Variants in DNAH11 observed in about 807,000 individuals in gnomAD.
DNAH11 encodes the protein axonemal beta dynein heavy chain 11.
In DNAH11, 442 loss-of-function variants were observed where a neutral mutation model predicts 526.0. The observed-to-expected ratio is 0.84, with a 90% CI of 0.78 to 0.91. DNAH11 has a LOEUF of 0.91. DNAH11 is among the 40% of genes least tolerant of loss of function. The pLI, the probability that DNAH11 is intolerant of heterozygous loss-of-function variation, is 0.00. For missense variants in DNAH11, 6,989 were observed against 5,448.7 expected (o/e 1.28, Z -8.90); for synonymous variants, 2,461 against 1,935.9 (o/e 1.27, Z -7.12).
chr7:21,753,843 C>T (rs1406896002), intron 54 of DNAH11, among the ~76,000 whole-genome samples: 1 of 152,180 alleles, frequency 6.6e-6, no homozygotes, highest in Non-Finnish European at 1.5e-5. Context: ...TCTAAACACA[C>T]TCCATGTCAA....
At chr7:21,885,696 A>G (rs1009649436) in intron 76 of DNAH11, among the ~76,000 whole-genome samples, 3 of 152,178 alleles carry the variant, frequency 2.0e-5, no homozygotes, top group Non-Finnish European at 2.9e-5. Context: ...CAACATATAC[A>G]TGTATCAAAA....
Position 21,786,337 on chromosome 7 carries a change from C to T in DNAH11, c.9598-287C>T, listed in dbSNP as rs1037329045. 5.7e-5 allele frequency among the ~76,000 whole-genome samples: 8 copies of T among 140,976 alleles called. No individual in the cohort carries two copies. In the East Asian group the frequency reaches 6.1e-4, roughly 11 times the overall value. The allele number at this position is 140,976 out of a possible 152,430, so 92.5% of individuals were successfully genotyped here. On this transcript the variant is annotated intron_variant, in intron 58 of 81. Coordinates refer to ENST00000409508, the MANE Select transcript of DNAH11 (RefSeq NM_001277115.2). ...GTGTGTGTGTGTGTGTGTATCCTGG[C>T]CTCAGTGAGCAGGGCTCTGCAGGAC...
rs554631477 is a variant in DNAH11, at chr7:21,886,618, C to T, written c.12507+2208C>T. On this transcript the variant is annotated intron_variant, in intron 76 of 81. Coordinates refer to ENST00000409508, the MANE Select transcript of DNAH11 (RefSeq NM_001277115.2). ...GCCAGGCATGCGACCTTTACAGAGG[C>T]TGATTTCTCCGAATGATGGTGGAGG... 2.6e-5 allele frequency among the ~76,000 whole-genome samples: 4 copies of T among 152,060 alleles called. No individual in the cohort carries two copies. In the South Asian group the frequency reaches 8.3e-4, roughly 32 times the overall value.
chr7:21,698,294 C>T, intron 36 of DNAH11, 81 bp downstream of exon 36: 1 of 1,554,928 alleles, frequency 6.4e-7, no homozygotes, highest in Non-Finnish European at 8.7e-7. Context: ...GGTAATTTAT[C>T]ATTCAAATTA....
At chr7:21,819,312 GT>G in intron 65 of DNAH11, among the ~76,000 whole-genome samples, 1 of 152,202 alleles carries the variant, frequency 6.6e-6, no homozygotes, top group African/African-American at 2.4e-5. Flanking sequence ...CTACATCAGG[GT>G]GACTAACTTC....
rs199559539 is a variant in DNAH11 at position 21,635,946 on chromosome 7, T to C, written c.4576T>C (p.Leu1526=). 7.4e-5 allele frequency: 120 copies of C among 1,613,446 alleles called. No individual in the cohort carries two copies. In the African/African-American group the frequency reaches 1.3e-3, roughly 17 times the overall value. The change falls in exon 26 of 82, where the codon TTA becomes CTA. Residue 1526 remains leucine, a synonymous_variant. Transcript: ENST00000409508. ...GCAAGTGTTAAGCTGGCAAAATAAA[T>C]TAAACATAGCAGACTTGGTCATCTT... ...IEQVLSWQNK[L]NIADLVIFTW... is the part of the protein sequence containing the mutation.
At chr7:21,785,071 T>C (rs1430685772) in intron 58 of DNAH11, among the ~76,000 whole-genome samples, 1 of 152,210 alleles carries the variant, frequency 6.6e-6, no homozygotes, top group Non-Finnish European at 1.5e-5. Flanking sequence ...TGTTCATCAC[T>C]AGCATATTGT....
At chr7:21,622,296 A>G (rs2128455106) in intron 25 of DNAH11, among the ~76,000 whole-genome samples, 1 of 152,300 alleles carries the variant, frequency 6.6e-6, no homozygotes, top group South Asian at 2.1e-4. Flanking sequence ...AGAACTACAA[A>G]CCACTGCTCA....
chr7:21,774,568 G>T (rs952739772), intron 56 of DNAH11, among the ~76,000 whole-genome samples: 3 of 152,124 alleles, frequency 2.0e-5, no homozygotes, highest in African/African-American at 7.2e-5. Flanking sequence ...TCATGTGTGG[G>T]TCTGTACACA....
At chr7:21,710,867 A>G (rs1784440470) in intron 41 of DNAH11, among the ~76,000 whole-genome samples, 164 bp downstream of exon 41, 1 of 152,180 alleles carries the variant, frequency 6.6e-6, no homozygotes, top group African/African-American at 2.4e-5. Context: ...TCTTAATTTC[A>G]CCATTAAAGA....
rs1562720521 is a variant in DNAH11, at chr7:21,639,051, G to A, written c.4930G>A (p.Ala1644Thr). 6.2e-7 allele frequency: 1 copy of A among 1,612,842 alleles called. No individual in the cohort carries two copies. Among genetic ancestry groups the A allele is most frequent in the African/African-American group, 1.3e-5 (1 of 74,954 alleles). ...TTTACTTGACATTCTCTCAAAAGGA[G>A]CTCAGCCTAAACAGGTAATATTTTT... The part of the protein sequence containing the change: ...ADLLDILSKG[A>T]QPKQVTCHLA... The change falls in exon 28 of 82, where the codon GCT becomes ACT. Residue 1644 changes from alanine (A) to threonine (T), a missense_variant. By Grantham distance (58) the Ala-to-Thr change is moderately conservative. Coordinates refer to ENST00000409508, the MANE Select transcript of DNAH11 (RefSeq NM_001277115.2).
At chr7:21,803,647 T>C (rs1191126538) in intron 62 of DNAH11, among the ~76,000 whole-genome samples, 2 of 151,302 alleles carry the variant, frequency 1.3e-5, no homozygotes, top group East Asian at 1.9e-4. Flanking sequence ...GCTATCATCA[T>C]TGAAGTCTGG....
chr7:21,764,577 A>C (rs1211711567), intron 54 of DNAH11, among the ~76,000 whole-genome samples: 1 of 152,142 alleles, frequency 6.6e-6, no homozygotes, highest in Non-Finnish European at 1.5e-5. Flanking sequence ...AAGGATGCTC[A>C]CTGAACACCT....
chr7:21,553,642 G>T (rs563403609), intron 2 of DNAH11, among the ~76,000 whole-genome samples: 2 of 152,232 alleles, frequency 1.3e-5, no homozygotes, highest in South Asian at 2.1e-4. Context: ...TTTTTAAAAT[G>T]CCCTGGCTTT....
intron 8 of DNAH11, among the ~76,000 whole-genome samples, chr7:21,579,689 C>G (rs1285414892): frequency 6.6e-6 from 1 of 152,092 alleles, no homozygotes; most frequent in Admixed American, 6.6e-5. Flanking sequence ...TATGCTAAGA[C>G]CTTTGGACGT....
At chr7:21,825,151 A>G (rs1268962835) in intron 65 of DNAH11, among the ~76,000 whole-genome samples, 1 of 152,202 alleles carries the variant, frequency 6.6e-6, no homozygotes, top group Non-Finnish European at 1.5e-5. Flanking sequence ...GATTACAGGC[A>G]TGAGCCACCA....
intron 41 of DNAH11, among the ~76,000 whole-genome samples, chr7:21,711,369 G>A (rs1383847767): frequency 2.0e-5 from 3 of 152,158 alleles, no homozygotes; most frequent in Non-Finnish European, 4.4e-5. Flanking sequence ...AGTTTCTTTG[G>A]ACAATTGATA....
chr7:21,872,138 A>AAAAAACAAACAAAC (rs750641254), intron 73 of DNAH11, among the ~76,000 whole-genome samples: 5,715 of 128,958 alleles, frequency 0.044, 680 homozygotes, highest in African/African-American at 0.12. Flanking sequence ...AAAAAAAAAA[A>AAAAAACAAACAAAC]AAAAAAAAAA....
In DNAH11 at chr7:21,750,208, A is replaced by G. The variant is rs376881084; in HGVS notation, c.8798-14A>G. ...CAATGATCTTTTAGTAATTCTACTCATTCTTTGGGGCAGGAGAAATCCCAG... is the reference window on the plus strand; with the variant it reads ...CAATGATCTTTTAGTAATTCTACTCGTTCTTTGGGGCAGGAGAAATCCCAG... On this transcript the variant is annotated splice_polypyrimidine_tract_variant and intron_variant, in intron 53 of 81. Transcript: ENST00000409508. 18 of 1,575,366 alleles carry G rather than the reference A, an allele frequency of 1.1e-5. No homozygotes were observed. The highest frequency in any genetic ancestry group is 2.3e-5 in the East Asian group (1 of 44,288).
Sources: allele counts gnomAD v4.1 joint callset (sites outside exome capture counted in the v4.1 genomes callset), GRCh38; gene constraint gnomAD v4.1.1; transcripts MANE v1.5; gene names NCBI Gene and HGNC (gene_info 2026-07-23, HGNC 2026-07-21).